The following MYH11 variants were observed in gnomAD, a reference collection of about 807,000 sequenced individuals.
The protein encoded by MYH11 is myosin heavy chain 11, also known as myosin-11.
A neutral mutation model predicts 246.6 loss-of-function variants in MYH11; 80 were observed. The ratio of observed to expected loss-of-function variants is 0.32; its 90% CI spans 0.27 to 0.39. MYH11 has a LOEUF of 0.39. Ranked by LOEUF, MYH11 falls within the 10% of genes least tolerant of loss-of-function variation. The pLI, the probability that MYH11 is intolerant of heterozygous loss-of-function variation, is 1.00. For missense variants in MYH11, 2,158 were observed against 2,546.8 expected, an observed-to-expected ratio of 0.85 and a Z score of 3.29; for synonymous variants, 1,071 against 1,015.5, an observed-to-expected ratio of 1.05 and a Z score of -1.04.
chr16:15,803,792 G>A (rs889062418), intron 3 of MYH11, among the ~76,000 whole-genome samples: 4 of 152,168 alleles, frequency 2.6e-5, no homozygotes, highest in African/African-American at 9.7e-5. Flanking sequence ...TGCTCACAGG[G>A]CCCCCAGGAG....
At chr16:15,851,338 A>C (rs1195864802) in intron 1 of MYH11, among the ~76,000 whole-genome samples, 1 of 152,170 alleles carries the variant, frequency 6.6e-6, no homozygotes, top group Non-Finnish European at 1.5e-5. Flanking sequence ...TGTATTCATC[A>C]GGTATCAGGC....
intron 2 of MYH11, among the ~76,000 whole-genome samples, chr16:15,831,464 G>GTGTGTGT (rs1555458281): frequency 3.4e-5 from 5 of 145,588 alleles, no homozygotes; most frequent in African/African-American, 1.3e-4. Context: ...TTATGTTTGG[G>GTGTGTGT]GTGTGTGTGT....
At chr16:15,735,202 AAAAG>A (rs1404595161) in intron 26 of MYH11, among the ~76,000 whole-genome samples, 160 bp downstream of exon 26, 2 of 151,996 alleles carry the variant, frequency 1.3e-5, no homozygotes, top group Non-Finnish European at 2.9e-5. Flanking sequence ...AGAAAGAAAA[AAAAG>A]AAACAGCCAA....
At chr16:15,717,845 T>C (rs978863988) in intron 37 of MYH11, 2 of 257,538 alleles carry the variant, frequency 7.8e-6, no homozygotes, top group Admixed American at 1.0e-4. Context: ...GCTGAGCGAG[T>C]GACTTGTCCC....
chr16:15,732,528 G>A (rs1268434920), intron 27 of MYH11, 36 bp downstream of exon 27: 2 of 1,614,118 alleles, frequency 1.2e-6, no homozygotes, highest in East Asian at 2.2e-5. Context: ...TCACTCTTAT[G>A]TGTCATCACC....
intron 2 of MYH11, among the ~76,000 whole-genome samples, chr16:15,832,943 C>G (rs542403444): frequency 1.9e-3 from 107 of 55,446 alleles, no homozygotes; most frequent in African/African-American, 7.7e-3. Flanking sequence ...GCAACCTCAT[C>G]TTTTTTTTTT....
At chr16:15,811,075 A>G (rs953841370) in intron 3 of MYH11, among the ~76,000 whole-genome samples, 1 of 152,118 alleles carries the variant, frequency 6.6e-6, no homozygotes, top group Non-Finnish European at 1.5e-5. Context: ...TGATGAGATC[A>G]TGGGGGTTCA....
At chr16:15,778,376 G>A (rs1006311194) in intron 7 of MYH11, among the ~76,000 whole-genome samples, 11 of 152,186 alleles carry the variant, frequency 7.2e-5, no homozygotes, top group Non-Finnish European at 1.5e-4. Flanking sequence ...TAGACACTAC[G>A]TAGCCAGCCC....
intron 40 of MYH11, 121 bp from the exon 41 acceptor site, chr16:15,704,244 G>C: frequency 1.7e-6 from 2 of 1,143,486 alleles, no homozygotes; most frequent in Non-Finnish European, 2.5e-6. Flanking sequence ...TTTTTTTATG[G>C]CAGAAAACAC....
At chr16:15,814,212 C>T (rs546326559) in intron 3 of MYH11, among the ~76,000 whole-genome samples, 1 of 151,378 alleles carries the variant, frequency 6.6e-6, no homozygotes, top group Non-Finnish European at 1.5e-5. Context: ...GAGGGGAGAA[C>T]AGCAAAGCCA....
At position 15,757,950 on chromosome 16, in the gene MYH11, C is replaced by T; in HGVS notation, c.1452G>A (p.Gln484=). Residue 484 remains glutamine, a synonymous_variant, in exon 13 of 41, where the codon CAG becomes CAA. Coordinates refer to ENST00000300036, the MANE Select transcript of MYH11 (RefSeq NM_002474.3). ...LCINYTNEKL[Q]QLFNHTMFIL... Reference sequence around the variant, plus strand: ...TGAACATGGTGTGGTTGAAGAGCTGCTGCAGCTTCTCGTTGGTGTAGTTGA... The same window carrying T: ...TGAACATGGTGTGGTTGAAGAGCTGTTGCAGCTTCTCGTTGGTGTAGTTGA... 1 of 1,614,208 alleles carries T rather than the reference C, an allele frequency of 6.2e-7. No individual in the cohort carries two copies. Among genetic ancestry groups the T allele is most frequent in the Non-Finnish European group, 8.5e-7 (1 of 1,180,030 alleles).
chr16:15,758,641 CAAA>C (rs35340074), intron 12 of MYH11, among the ~76,000 whole-genome samples: 4 of 125,668 alleles, frequency 3.2e-5, no homozygotes, highest in Admixed American at 8.1e-5. Flanking sequence ...CTGTCTCTAC[CAAA>C]AAAAAAAAAA....
At chr16:15,839,262 G>T (rs1422029103) in intron 1 of MYH11, among the ~76,000 whole-genome samples, 1 of 151,982 alleles carries the variant, frequency 6.6e-6, no homozygotes, top group Non-Finnish European at 1.5e-5. Context: ...TAAAAGGAAA[G>T]AAATTATGCA....
At chr16:15,832,106 G>A (rs896379719) in intron 2 of MYH11, among the ~76,000 whole-genome samples, 6 of 152,112 alleles carry the variant, frequency 3.9e-5, no homozygotes, top group Admixed American at 1.3e-4. Context: ...TGCTTCCAGA[G>A]TAGGCTAAGA....
At chr16:15,845,625 T>C (rs1468867819) in intron 1 of MYH11, among the ~76,000 whole-genome samples, 1 of 152,102 alleles carries the variant, frequency 6.6e-6, no homozygotes, top group Non-Finnish European at 1.5e-5. Context: ...GGCAGCAAAA[T>C]AGGAAATGCG....
At chr16:15,840,904 C>T (rs2044034722) in intron 1 of MYH11, among the ~76,000 whole-genome samples, 1 of 151,944 alleles carries the variant, frequency 6.6e-6, no homozygotes, top group Non-Finnish European at 1.5e-5. Context: ...TAGATTATAC[C>T]TCAATAAAGC....
chr16:15,774,022 G>A (rs185913037), intron 8 of MYH11, among the ~76,000 whole-genome samples: 2 of 152,118 alleles, frequency 1.3e-5, no homozygotes, highest in African/African-American at 4.8e-5. Context: ...GGATGGATTC[G>A]GTTATACTTT....
chr16:15,769,494 T>G (rs1279783893), intron 9 of MYH11, among the ~76,000 whole-genome samples: 1 of 151,838 alleles, frequency 6.6e-6, no homozygotes, highest in Non-Finnish European at 1.5e-5. Flanking sequence ...AGTGGTGTGA[T>G]CTCGGCTCAC....
chr16:15,779,189 G>A (rs2042292159), intron 6 of MYH11: 1 of 396,318 alleles, frequency 2.5e-6, no homozygotes. Context: ...GAGTGCAGTG[G>A]TGCAATCACA....
Sources: allele counts gnomAD v4.1 joint callset (sites outside exome capture counted in the v4.1 genomes callset), GRCh38; gene constraint gnomAD v4.1.1; transcripts MANE v1.5; gene names NCBI Gene and HGNC (gene_info 2026-07-23, HGNC 2026-07-21).